GPR153: variants seen among roughly 807,000 people sequenced by gnomAD.
The protein encoded by GPR153 is G protein-coupled receptor 153.
Under a neutral mutation model 34.1 loss-of-function variants are expected in GPR153, and 27 were observed. The observed-to-expected ratio is 0.79, with a 90% CI of 0.58 to 1.09. The LOEUF (loss-of-function observed/expected upper bound fraction) is 1.09, where lower values mean the gene tolerates loss of function less well. GPR153 is among the 50% of genes least tolerant of loss of function. GPR153 has a pLI of 0.00. For synonymous variants in GPR153, 408 were observed against 405.4 expected, an observed-to-expected ratio of 1.01 and a Z score of -0.08; for missense variants, 848 against 860.2, an observed-to-expected ratio of 0.99 and a Z score of 0.18.
At chr1:6,255,262 A>G (rs536788135) in intron 1 of GPR153, among the ~76,000 whole-genome samples, 25 of 148,508 alleles carry the variant, frequency 1.7e-4, no homozygotes, top group Non-Finnish European at 2.8e-4. Context: ...GCAGTGGCGC[A>G]ATCTCAGCTC....
chr1:6,249,555 G>A lies in GPR153; in HGVS notation c.1613C>T (p.Pro538Leu), dbSNP rs1443868999. 12 of 1,191,854 alleles carry A rather than the reference G, an allele frequency of 1.0e-5. No homozygotes were observed. The highest frequency in any genetic ancestry group is 4.5e-5 in the Admixed American group (1 of 22,172). The allele number at this position is 1,191,854 out of a possible 1,614,324, so 73.8% of individuals were successfully genotyped here. Residue 538 changes from proline to leucine, a missense_variant, in exon 6 of 6, where the codon CCG (proline) becomes CTG (leucine). Pro to Leu is a moderately conservative substitution (Grantham distance 98). Coordinates refer to ENST00000377893, the MANE Select transcript of GPR153 (RefSeq NM_207370.4). The surrounding 1 kb of genome is among the most constrained non-coding windows in gnomAD (Gnocchi z 4.3). The part of the protein sequence containing the change: ...APDGADPGEA[P>L]TPPSSAQRSP... ...CCGCTGGGCGCTGCTTGGGGGCGTC[G>A]GGGCCTCTCCGGGATCTGCGCCGTC...
At chr1:6,255,223 G>C (rs1638540132) in intron 1 of GPR153, among the ~76,000 whole-genome samples, 1 of 149,836 alleles carries the variant, frequency 6.7e-6, no homozygotes, top group Non-Finnish European at 1.5e-5. Context: ...TTTGGAGACA[G>C]AGTCTCGCTC....
At chr1:6,258,992 G>C (rs903423607) in intron 1 of GPR153, among the ~76,000 whole-genome samples, 2 of 152,246 alleles carry the variant, frequency 1.3e-5, no homozygotes, top group African/African-American at 4.8e-5. Flanking sequence ...AGGGTGCAGT[G>C]GCTCATGCCT....
chr1:6,250,844 C>A (rs761607159), intron 4 of GPR153, among the ~76,000 whole-genome samples: 3 of 152,192 alleles, frequency 2.0e-5, no homozygotes, highest in Non-Finnish European at 2.9e-5. Context: ...CTCACTGAGA[C>A]AATTTCCTTA....
At position 6,250,563 on chromosome 1, in the gene GPR153, G is replaced by A. The variant is rs373014321; in HGVS notation, c.1041C>T (p.Gly347=). The stretch of plus-strand genomic sequence containing the variant: ...CTAGGGCCACAAAATCACCTCCATA[G>A]CCATAGTCCAGGGAGCGCTCCAACA... The part of the protein sequence containing the change: ...DLVLERSLDY[G]YGGDFVALDR... The change falls in exon 5 of 6, where the codon GGC becomes GGT. Residue 347 remains glycine, a synonymous_variant. Transcript: ENST00000377893. 1.3e-6 allele frequency: 2 copies of A among 1,597,338 alleles called. No individual in the cohort carries two copies. Among genetic ancestry groups the A allele is most frequent in the Non-Finnish European group, 1.7e-6 (2 of 1,172,994 alleles).
Position 6,249,331 on chromosome 1 carries a change from G to A in GPR153, c.*7C>T. The A allele has an allele frequency of 7.8e-7, 1 of 1,273,956 alleles. No homozygotes were observed. The highest frequency in any genetic ancestry group is 9.9e-7 in the Non-Finnish European group (1 of 1,010,852). The allele number at this position is 1,273,956 out of a possible 1,614,324, so 78.9% of individuals were successfully genotyped here. On this transcript the variant is annotated 3_prime_UTR_variant, in exon 6 of 6. Transcript: ENST00000377893. The surrounding 1 kb of genome is among the most constrained non-coding windows in gnomAD (Gnocchi z 4.3). ...TGCCTGGCGTCCGTGGGGAGGCGCC[G>A]GCGGTCCTAGGACGCGGAGCCCAGC...
chr1:6,247,957 A>G lies in GPR153; in HGVS notation c.*1381T>C, dbSNP rs1638338411. On this transcript the variant is annotated 3_prime_UTR_variant, in exon 6 of 6. Transcript: ENST00000377893. ...CAGCTTCTTCTGGGAGTGGGACCCTATCTGAAGGATGAAGAGATGGGCTTG... is the reference window on the plus strand; with the variant it reads ...CAGCTTCTTCTGGGAGTGGGACCCTGTCTGAAGGATGAAGAGATGGGCTTG... 6.6e-6 allele frequency: 1 copy of G among 152,390 alleles called. No individual in the cohort carries two copies. Among genetic ancestry groups the G allele is most frequent in the African/African-American group, 2.4e-5 (1 of 41,464 alleles). The allele number at this position is 152,390 out of a possible 1,614,324, so 9.4% of individuals were successfully genotyped here. A position where few individuals can be genotyped will look rare whatever the true frequency, so the allele number is the denominator to read the frequency against.
At chr1:6,253,639 C>T (rs1638496057) in intron 3 of GPR153, 79 bp downstream of exon 3, 2 of 1,311,876 alleles carry the variant, frequency 1.5e-6, no homozygotes, top group Middle Eastern at 2.3e-4. Context: ...TCTGAGGACT[C>T]AACCACCTGA....
Position 6,255,424 on chromosome 1 carries a change from C to T in GPR153, c.-109-410G>A, listed in dbSNP as rs545986593. On this transcript the variant is annotated intron_variant, in intron 1 of 5. Transcript: ENST00000377893. ...ATGTTGGCCAGGCTGGTCTCGATCTCCTGACCTCGTAATCTGCCCGCCTCG... is the reference window on the plus strand; with the variant it reads ...ATGTTGGCCAGGCTGGTCTCGATCTTCTGACCTCGTAATCTGCCCGCCTCG... Among the ~76,000 whole-genome samples, 32 of 151,892 alleles carry T rather than the reference C, an allele frequency of 2.1e-4. No individual in the cohort carries two copies. In the South Asian group the frequency reaches 6.4e-3, roughly 31 times the overall value.
chr1:6,249,482 G>C lies in GPR153; in HGVS notation c.1686C>G (p.Arg562=), dbSNP rs779448114. The C allele has an allele frequency of 7.7e-7, 1 of 1,293,858 alleles. No individual in the cohort carries two copies. Among genetic ancestry groups the C allele is most frequent in the East Asian group, 3.2e-5 (1 of 31,406 alleles). The allele number at this position is 1,293,858 out of a possible 1,614,324, so 80.1% of individuals were successfully genotyped here. A position where few individuals can be genotyped will look rare whatever the true frequency, so the allele number is the denominator to read the frequency against. ...PSAHSHAGSL[R]PGLSASWGEP... is the part of the protein sequence containing the mutation. ...CGCCCCACGACGCGCTCAGGCCGGG[G>C]CGCAGAGAGCCGGCGTGCGAGTGCG... The change falls in exon 6 of 6, where the codon CGC becomes CGG. Residue 562 remains arginine (R), a synonymous_variant. Transcript: ENST00000377893. This position sits in a 1 kb window ranked among gnomAD's most constrained non-coding sequence, Gnocchi z 4.3.
intron 1 of GPR153, among the ~76,000 whole-genome samples, chr1:6,255,653 T>TTTG (rs1638553659): frequency 8.2e-6 from 1 of 121,288 alleles, no homozygotes; most frequent in African/African-American, 4.1e-5. Context: ...TTTTTTTTTT[T>TTTG]TTTTTTTTTT....
At position 6,253,911 on chromosome 1, in the gene GPR153, G is replaced by A. The variant is rs748238110; in HGVS notation, c.593C>T (p.Thr198Met). 8.3e-5 allele frequency: 134 copies of A among 1,610,110 alleles called. No homozygotes were observed. The highest frequency in any genetic ancestry group is 1.7e-4 in the Admixed American group (10 of 59,528). Reference sequence around the variant, plus strand: ...CTGGCGCCCCACCTGCACGGCCAGCGTCTGGAAGAGGGCGATGGCTGTGCA... The same window carrying A: ...CTGGCGCCCCACCTGCACGGCCAGCATCTGGAAGAGGGCGATGGCTGTGCA... ...VICTAIALFQ[T>M]LAVQVGRQAD... The change falls in exon 3 of 6, where the codon ACG (threonine) becomes ATG (methionine). Residue 198 changes from threonine to methionine, a missense_variant. Coordinates refer to ENST00000377893, the MANE Select transcript of GPR153 (RefSeq NM_207370.4).
intron 2 of GPR153, 116 bp downstream of exon 2, chr1:6,254,434 G>T: frequency 3.0e-6 from 3 of 989,872 alleles, no homozygotes; most frequent in Non-Finnish European, 4.6e-6. Context: ...GAGCCTGCCT[G>T]CCCTCCCAGC....
rs142079003 is a variant in GPR153, at chr1:6,250,579, C to A, written c.1025G>T (p.Arg342Leu). Residue 342 changes from arginine to leucine, a missense_variant, in exon 5 of 6, where the codon CGC (arginine) becomes CTC (leucine). Physicochemically the swap from Arg to Leu is moderately radical, Grantham distance 102 (BLOSUM62 -2). Coordinates refer to ENST00000377893, the MANE Select transcript of GPR153 (RefSeq NM_207370.4). ...ACCTCCATAGCCATAGTCCAGGGAGCGCTCCAACACCAGGTCCGGGGAGAT... is the reference window on the plus strand; with the variant it reads ...ACCTCCATAGCCATAGTCCAGGGAGAGCTCCAACACCAGGTCCGGGGAGAT... ...GGISPDLVLE[R>L]SLDYGYGGDF... is the part of the protein sequence containing the mutation. 1.3e-6 allele frequency: 2 copies of A among 1,580,348 alleles called. No homozygotes were observed. Among genetic ancestry groups the A allele is most frequent in the Non-Finnish European group, 1.7e-6 (2 of 1,165,736 alleles).
chr1:6,249,551 C>A lies in GPR153; in HGVS notation c.1617G>T (p.Thr539=), dbSNP rs902517303. Reference sequence around the variant, plus strand: ...GGCTCCGCTGGGCGCTGCTTGGGGGCGTCGGGGCCTCTCCGGGATCTGCGC... The same window carrying A: ...GGCTCCGCTGGGCGCTGCTTGGGGGAGTCGGGGCCTCTCCGGGATCTGCGC... ...PDGADPGEAP[T]PPSSAQRSPG... Residue 539 remains threonine (T), a synonymous_variant, in exon 6 of 6, where the codon ACG becomes ACT. Coordinates refer to ENST00000377893, the MANE Select transcript of GPR153 (RefSeq NM_207370.4). This position sits in a 1 kb window ranked among gnomAD's most constrained non-coding sequence, Gnocchi z 4.3. 2.5e-6 allele frequency: 3 copies of A among 1,194,040 alleles called. No homozygotes were observed. Among genetic ancestry groups the A allele is most frequent in the Non-Finnish European group, 3.1e-6 (3 of 964,080 alleles). The allele number at this position is 1,194,040 out of a possible 1,614,324, so 74.0% of individuals were successfully genotyped here. A position where few individuals can be genotyped will look rare whatever the true frequency, so the allele number is the denominator to read the frequency against.
chr1:6,252,731 T>C (rs1248681593), intron 3 of GPR153, among the ~76,000 whole-genome samples: 2 of 152,166 alleles, frequency 1.3e-5, no homozygotes, highest in Admixed American at 6.5e-5. Flanking sequence ...GTCCTCTCCC[T>C]GTCTCACTGC....
intron 1 of GPR153, among the ~76,000 whole-genome samples, chr1:6,257,670 A>G (rs931130620): frequency 6.6e-6 from 1 of 152,268 alleles, no homozygotes; most frequent in East Asian, 1.9e-4. Flanking sequence ...AGACCAGACC[A>G]GAGCTTGACT....
intron 1 of GPR153, among the ~76,000 whole-genome samples, chr1:6,257,968 G>A (rs777292446): frequency 6.6e-6 from 1 of 152,208 alleles, no homozygotes; most frequent in Non-Finnish European, 1.5e-5. Context: ...CTCATGCCCC[G>A]GTCCTTATGG....
chr1:6,253,459 T>A (rs6696350), intron 3 of GPR153, among the ~76,000 whole-genome samples: 1 of 152,030 alleles, frequency 6.6e-6, no homozygotes, highest in African/African-American at 2.4e-5. Flanking sequence ...GCAAGGGGAG[T>A]AAACTCTTCT....
Sources: gnomAD v4.1 joint callset for allele counts (sites outside exome capture counted in the v4.1 genomes callset) on GRCh38, gnomAD v4.1.1 for gene constraint, Gnocchi (gnomAD v3.1) non-coding constraint, MANE v1.5 for transcripts, NCBI Gene and HGNC (gene_info 2026-07-23, HGNC 2026-07-21) for gene names.